Variants in TENM3 observed in about 807,000 individuals in gnomAD.
The protein encoded by TENM3 is teneurin transmembrane protein 3.
A neutral mutation model predicts 255.1 loss-of-function variants in TENM3; 63 were observed. The ratio of observed to expected loss-of-function variants is 0.25; its 90% CI spans 0.20 to 0.30. TENM3 has a LOEUF of 0.30. Ranked by LOEUF, TENM3 falls within the 10% of genes least tolerant of loss-of-function variation. The pLI, the probability that TENM3 is intolerant of heterozygous loss-of-function variation, is 1.00. For synonymous variants in TENM3, 1,306 were observed against 1,322.3 expected (o/e 0.99, Z 0.27); for missense variants, 2,929 against 3,461.1 (o/e 0.85, Z 3.86).
intron 3 of TENM3, among the ~76,000 whole-genome samples, chr4:182,505,901 C>T (rs1326736113): frequency 6.6e-6 from 1 of 152,264 alleles, no homozygotes; most frequent in East Asian, 1.9e-4. Context: ...AGACAGGCTT[C>T]GGATTTCTTC....
At chr4:182,584,654 T>A (rs1233137222) in intron 3 of TENM3, among the ~76,000 whole-genome samples, 1 of 152,184 alleles carries the variant, frequency 6.6e-6, no homozygotes, top group Non-Finnish European at 1.5e-5. Flanking sequence ...TTTTTTCTTT[T>A]TTTGAGACGG....
the TENM3 span, among the ~76,000 whole-genome samples, chr4:181,505,602 G>A: frequency 2.0e-5 from 3 of 151,912 alleles, no homozygotes; most frequent in Non-Finnish European, 2.9e-5. Flanking sequence ...TATTTCTAGC[G>A]AACTTTGTAT....
At chr4:181,719,744 T>C in the TENM3 span, among the ~76,000 whole-genome samples, 9 of 152,198 alleles carry the variant, frequency 5.9e-5, no homozygotes, top group South Asian at 2.1e-4. Flanking sequence ...TGATAGAAGA[T>C]AGCATGTAAT....
chr4:182,738,566 AC>A (rs1314900413), intron 18 of TENM3, 22 bp downstream of exon 18: 2 of 1,594,774 alleles, frequency 1.3e-6, no homozygotes, highest in Non-Finnish European at 1.7e-6. Flanking sequence ...TTCATAGATA[AC>A]TGATGTTGTA....
Position 182,445,622 on chromosome 4 carries a change from T to A in TENM3, c.511+98693T>A, listed in dbSNP as rs531707686. On this transcript the variant is annotated intron_variant, in intron 3 of 27. Transcript: ENST00000511685. ...TTTGTGGACTTTTTATTTTTTTTTT[T>A]AAATACAATTTGCTTTGATTTGGTT... Among the ~76,000 whole-genome samples, 16 of 152,088 alleles carry A rather than the reference T, an allele frequency of 1.1e-4. 1 individual carries two copies. Among genetic ancestry groups the A allele is most frequent in the East Asian group, 7.8e-4 (4 of 5,134 alleles).
chr4:181,495,205 C>T, the TENM3 span, among the ~76,000 whole-genome samples: 2 of 152,078 alleles, frequency 1.3e-5, no homozygotes, highest in African/African-American at 4.8e-5. Context: ...TCCTTCAATG[C>T]AGATTAAGGG....
chr4:181,997,789 G>A, the TENM3 span, among the ~76,000 whole-genome samples: 2 of 152,148 alleles, frequency 1.3e-5, no homozygotes, highest in African/African-American at 4.8e-5. Context: ...CTCTTCCACA[G>A]AGATTTAAGA....
At chr4:182,183,729 A>T (rs2149751302) in intron 1 of TENM3, among the ~76,000 whole-genome samples, 1 of 152,278 alleles carries the variant, frequency 6.6e-6, no homozygotes, top group African/African-American at 2.4e-5. Flanking sequence ...TGTGGAAGTT[A>T]TTTCTGAAAA....
At chr4:182,403,514 T>C (rs1339013622) in intron 3 of TENM3, among the ~76,000 whole-genome samples, 1 of 152,228 alleles carries the variant, frequency 6.6e-6, no homozygotes, top group Admixed American at 6.5e-5. Flanking sequence ...CACTATCTGA[T>C]GGTGAAGAGA....
the TENM3 span, among the ~76,000 whole-genome samples, chr4:181,880,514 A>C: frequency 6.6e-6 from 1 of 152,202 alleles, no homozygotes; most frequent in Non-Finnish European, 1.5e-5. Context: ...TATCATTTTG[A>C]CTGATATATT....
At chr4:182,397,969 T>C (rs1407619026) in intron 3 of TENM3, among the ~76,000 whole-genome samples, 1 of 152,194 alleles carries the variant, frequency 6.6e-6, no homozygotes, top group Admixed American at 6.5e-5. Context: ...GGCCCCTCCA[T>C]GTGGCAGGCT....
the TENM3 span, among the ~76,000 whole-genome samples, chr4:182,044,393 T>C: frequency 1.3e-5 from 2 of 152,378 alleles, no homozygotes; most frequent in Middle Eastern, 6.8e-3. Context: ...TTTTAACTAA[T>C]GCTTTCCAGT....
chr4:181,621,464 G>A, the TENM3 span, among the ~76,000 whole-genome samples: 2 of 152,092 alleles, frequency 1.3e-5, no homozygotes, highest in Admixed American at 1.3e-4. Context: ...CTATAATACA[G>A]AGAACAATAA....
At chr4:181,543,668 G>A in the TENM3 span, among the ~76,000 whole-genome samples, 1 of 152,268 alleles carries the variant, frequency 6.6e-6, no homozygotes, top group East Asian at 1.9e-4. Context: ...ACTTAGGTGA[G>A]TATCAATTAT....
chr4:182,009,452 C>T, the TENM3 span, among the ~76,000 whole-genome samples: 22 of 152,176 alleles, frequency 1.4e-4, no homozygotes, highest in African/African-American at 5.3e-4. Context: ...GCAGATAAGC[C>T]CCACCCACTG....
chr4:182,707,893 T>C (rs996449181), intron 12 of TENM3: 4 of 152,342 alleles, frequency 2.6e-5, no homozygotes, highest in South Asian at 2.1e-4. Flanking sequence ...GTAGAAGCCA[T>C]GTAAAAGAAG....
At chr4:181,789,889 C>G in the TENM3 span, among the ~76,000 whole-genome samples, 1 of 152,200 alleles carries the variant, frequency 6.6e-6, no homozygotes, top group Non-Finnish European at 1.5e-5. Context: ...ATCCCTTCAC[C>G]TGGCACATCA....
In TENM3 at chr4:182,755,286, T is replaced by C. The variant is rs750255668; in HGVS notation, c.4892+27T>C. 3 of 1,507,670 alleles carry C rather than the reference T, an allele frequency of 2.0e-6. No individual in the cohort carries two copies. The East Asian group carries it at 6.9e-5, about 34-fold the overall frequency. 93.4% of individuals were successfully genotyped at this position (1,507,670 alleles called of 1,614,324 possible). ...TAAGTATATGAAAATTCTACTCTGA[T>C]TATAAAATACTGTGATATAATAATA... On this transcript the variant is annotated intron_variant, in intron 22 of 27. Coordinates refer to ENST00000511685, the MANE Select transcript of TENM3 (RefSeq NM_001080477.4).
chr4:181,542,180 G>T, the TENM3 span, among the ~76,000 whole-genome samples: 1 of 152,170 alleles, frequency 6.6e-6, no homozygotes, highest in Non-Finnish European at 1.5e-5. Flanking sequence ...TTCTGAATGG[G>T]CACTTAAAAG....
Sources: gnomAD v4.1 joint callset for allele counts (sites outside exome capture counted in the v4.1 genomes callset) on GRCh38, gnomAD v4.1.1 for gene constraint, MANE v1.5 for transcripts, NCBI Gene and HGNC (gene_info 2026-07-23, HGNC 2026-07-21) for gene names.